HIBADH: variants seen among roughly 807,000 people sequenced by gnomAD.
The protein encoded by HIBADH is 3-hydroxyisobutyrate dehydrogenase, mitochondrial.
HIBADH carries 25 observed loss-of-function variants against 36.1 expected under a neutral mutation model. That is an observed-to-expected ratio of 0.69 (90% CI 0.50 to 0.97). The LOEUF is 0.97. Ranked by LOEUF, HIBADH falls within the 50% of genes least tolerant of loss-of-function variation. The pLI, the probability that HIBADH is intolerant of heterozygous loss-of-function variation, is 0.00. For synonymous variants in HIBADH, 160 were observed against 149.5 expected (o/e 1.07, Z -0.51); for missense variants, 421 against 418.0 (o/e 1.01, Z -0.06).
intron 4 of HIBADH, among the ~76,000 whole-genome samples, chr7:27,603,968 C>A (rs957235200): frequency 1.3e-5 from 2 of 152,146 alleles, no homozygotes; most frequent in African/African-American, 2.4e-5. Context: ...CCCACACCAA[C>A]ACACATACAT....
chr7:27,599,077 T>C (rs1419287532), intron 4 of HIBADH, among the ~76,000 whole-genome samples: 2 of 151,946 alleles, frequency 1.3e-5, no homozygotes, highest in Non-Finnish European at 2.9e-5. Context: ...ATGTGATTGC[T>C]CCCATTCAAA....
chr7:27,537,794 G>A (rs573128366), intron 6 of HIBADH, among the ~76,000 whole-genome samples: 40 of 151,950 alleles, frequency 2.6e-4, no homozygotes, highest in African/African-American at 8.9e-4. Context: ...CTAAACCACA[G>A]GCAAAATAAA....
intron 4 of HIBADH, among the ~76,000 whole-genome samples, chr7:27,552,473 T>C (rs1368108722): frequency 6.6e-6 from 1 of 152,208 alleles, no homozygotes; most frequent in Non-Finnish European, 1.5e-5. Context: ...TCATCATTAT[T>C]TTTCAGAGTA....
intron 4 of HIBADH, among the ~76,000 whole-genome samples, chr7:27,610,600 C>T (rs1447670690): frequency 6.6e-6 from 1 of 152,100 alleles, no homozygotes; most frequent in African/African-American, 2.4e-5. Flanking sequence ...AATCGAAGCA[C>T]TTGTGAGAGT....
intron 4 of HIBADH, among the ~76,000 whole-genome samples, chr7:27,586,408 A>AG (rs1411503535): frequency 5.4e-5 from 6 of 111,480 alleles, no homozygotes; most frequent in Non-Finnish European, 9.2e-5. Context: ...GGAGGGAGGG[A>AG]GGGGAAGGGG....
chr7:27,598,982 C>T (rs1456255710), intron 4 of HIBADH, among the ~76,000 whole-genome samples: 1 of 151,482 alleles, frequency 6.6e-6, no homozygotes, highest in East Asian at 1.9e-4. Context: ...AGTATGACCA[C>T]CAAGAGGCAT....
At chr7:27,649,758 TG>T in intron 1 of HIBADH, 125 bp from the exon 2 acceptor site, 1 of 806,066 alleles carries the variant, frequency 1.2e-6, no homozygotes, top group South Asian at 2.2e-5. Context: ...AGGAACCAGG[TG>T]CAGTGGTGCA....
At chr7:27,533,046 T>C (rs1288898465) in intron 6 of HIBADH, among the ~76,000 whole-genome samples, 3 of 152,200 alleles carry the variant, frequency 2.0e-5, no homozygotes, top group African/African-American at 7.2e-5. Context: ...AAAACGTCAC[T>C]TTCTCTCTCC....
chr7:27,628,352 C>T (rs1260970451), intron 4 of HIBADH, among the ~76,000 whole-genome samples: 7 of 151,992 alleles, frequency 4.6e-5, no homozygotes, highest in Non-Finnish European at 1.0e-4. Context: ...TTATATGTTA[C>T]TTTTTAATTC....
Position 27,616,968 on chromosome 7 carries a change from A to G in HIBADH, c.484+12403T>C, listed in dbSNP as rs141032458. ...AAAGTAAAAATGTTACAGTAAGCTG[A>G]AGTTGATTTATTATTGAAGAAAAAT... On this transcript the variant is annotated intron_variant, in intron 4 of 7. Transcript: ENST00000265395. Among the ~76,000 whole-genome samples the G allele has an allele frequency of 6.6e-3, 1,002 of 152,280 alleles. 7 individuals are homozygous for G. Among genetic ancestry groups the G allele is most frequent in the African/African-American group, 0.018 (763 of 41,550 alleles).
chr7:27,606,739 C>G (rs565430504), intron 4 of HIBADH, among the ~76,000 whole-genome samples: 1 of 152,228 alleles, frequency 6.6e-6, no homozygotes, highest in Non-Finnish European at 1.5e-5. Context: ...TGTTGAGTCT[C>G]TACTAAAAGT....
At position 27,662,798 on chromosome 7, in the gene HIBADH, G is replaced by C; in HGVS notation, c.-10C>G. ...GTAAGGAGGCTGCCATGCTGCGCCC[G>C]CCCCTCTCCCCGCGGTGACCTCCGC... On this transcript the variant is annotated 5_prime_UTR_variant, in exon 1 of 8. Coordinates refer to ENST00000265395, the MANE Select transcript of HIBADH (RefSeq NM_152740.4). 1 of 1,468,950 alleles carries C rather than the reference G, an allele frequency of 6.8e-7. No individual in the cohort carries two copies. Among genetic ancestry groups the C allele is most frequent in the Non-Finnish European group, 9.0e-7 (1 of 1,107,964 alleles). 91.0% of individuals were successfully genotyped at this position (1,468,950 alleles called of 1,614,324 possible). A position where few individuals can be genotyped will look rare whatever the true frequency, so the allele number is the denominator to read the frequency against.
chr7:27,576,091 G>A (rs914468356), intron 4 of HIBADH, among the ~76,000 whole-genome samples: 1 of 152,180 alleles, frequency 6.6e-6, no homozygotes, highest in Admixed American at 6.5e-5. Context: ...AGGAGGGAAG[G>A]AAAGAAATAA....
At chr7:27,585,631 G>C (rs1304261115) in intron 4 of HIBADH, among the ~76,000 whole-genome samples, 1 of 152,082 alleles carries the variant, frequency 6.6e-6, no homozygotes, top group Non-Finnish European at 1.5e-5. Flanking sequence ...GAATGAAAAA[G>C]TAAAAAGCAT....
chr7:27,623,130 T>C (rs1024844320), intron 4 of HIBADH, among the ~76,000 whole-genome samples: 1 of 152,038 alleles, frequency 6.6e-6, no homozygotes, highest in African/African-American at 2.4e-5. Context: ...ATGTGATACA[T>C]CACAACAGAA....
intron 4 of HIBADH, among the ~76,000 whole-genome samples, chr7:27,580,517 T>C (rs1784772654): frequency 2.0e-5 from 3 of 152,170 alleles, no homozygotes; most frequent in African/African-American, 7.2e-5. Context: ...TAAATGAACA[T>C]TGTAAGATGA....
At chr7:27,540,484 C>A (rs1259841139) in intron 5 of HIBADH, among the ~76,000 whole-genome samples, 3 of 152,198 alleles carry the variant, frequency 2.0e-5, no homozygotes, top group African/African-American at 7.2e-5. Context: ...CCTTGATTGG[C>A]CCTGCCATAA....
At chr7:27,600,866 A>G (rs780907420) in intron 4 of HIBADH, among the ~76,000 whole-genome samples, 3 of 152,130 alleles carry the variant, frequency 2.0e-5, no homozygotes, top group Non-Finnish European at 4.4e-5. Context: ...AACTGCTGAC[A>G]ATCTTATTTG....
chr7:27,554,105 C>T (rs994258437), intron 4 of HIBADH, among the ~76,000 whole-genome samples: 1 of 152,228 alleles, frequency 6.6e-6, no homozygotes, highest in African/African-American at 2.4e-5. Context: ...CCTGCCTCAG[C>T]CTCCTGAGTA....
Sources: gnomAD v4.1 joint callset for allele counts (sites outside exome capture counted in the v4.1 genomes callset) on GRCh38, gnomAD v4.1.1 for gene constraint, MANE v1.5 for transcripts, NCBI Gene and HGNC (gene_info 2026-07-23, HGNC 2026-07-21) for gene names.